The following DEUP1 variants were observed in gnomAD, a reference collection of about 807,000 sequenced individuals.
The protein encoded by DEUP1 is coiled-coil domain containing 67.
Under a neutral mutation model 87.4 loss-of-function variants are expected in DEUP1, and 82 were observed. The observed-to-expected ratio is 0.94, with a 90% CI of 0.78 to 1.13. The LOEUF is 1.13. DEUP1 is among the 50% of genes most tolerant of loss of function. DEUP1 has a pLI of 0.00. For synonymous variants in DEUP1, 214 were observed against 222.7 expected (o/e 0.96, Z 0.35); for missense variants, 663 against 681.5 (o/e 0.97, Z 0.30).
At chr11:93,434,472 T>A (rs1948184474) in intron 13 of DEUP1, among the ~76,000 whole-genome samples, 1 of 152,180 alleles carries the variant, frequency 6.6e-6, no homozygotes, top group Non-Finnish European at 1.5e-5. Flanking sequence ...ACCAAACACA[T>A]TCCTCACTGC....
At chr11:93,387,435 TAGC>T (rs1316568400) in intron 8 of DEUP1, among the ~76,000 whole-genome samples, 1 of 152,172 alleles carries the variant, frequency 6.6e-6, no homozygotes, top group South Asian at 2.1e-4. Context: ...AAGCTTTTGT[TAGC>T]TTTTTCTATT....
intron 1 of DEUP1, 28 bp from the exon 2 acceptor site, chr11:93,332,188 G>T: frequency 1.4e-6 from 2 of 1,406,308 alleles, no homozygotes; most frequent in South Asian, 2.5e-5. Flanking sequence ...AAACATTTTA[G>T]GAACTTGTAT....
intron 2 of DEUP1, among the ~76,000 whole-genome samples, chr11:93,333,919 G>A (rs1475071705): frequency 6.6e-6 from 1 of 152,204 alleles, no homozygotes; most frequent in East Asian, 1.9e-4. Flanking sequence ...GATGCAGATT[G>A]AAGATGTTGA....
chr11:93,366,718 TGTA>T (rs1945435580), intron 5 of DEUP1, among the ~76,000 whole-genome samples: 1 of 152,210 alleles, frequency 6.6e-6, no homozygotes, highest in South Asian at 2.1e-4. Context: ...TTCTACCTGT[TGTA>T]GTATTTATAA....
At chr11:93,403,694 T>C (rs1194509684) in intron 11 of DEUP1, among the ~76,000 whole-genome samples, 1 of 151,768 alleles carries the variant, frequency 6.6e-6, no homozygotes, top group Admixed American at 6.6e-5. Context: ...TTTCATCAGT[T>C]AATTTTCTCT....
chr11:93,350,330 T>C (rs1438336633), intron 2 of DEUP1, among the ~76,000 whole-genome samples: 1 of 152,146 alleles, frequency 6.6e-6, no homozygotes, highest in Non-Finnish European at 1.5e-5. Flanking sequence ...AAGTCTACTG[T>C]GTTGAAAAGG....
At chr11:93,415,547 A>T (rs1947589423) in intron 13 of DEUP1, among the ~76,000 whole-genome samples, 1 of 152,008 alleles carries the variant, frequency 6.6e-6, no homozygotes, top group South Asian at 2.1e-4. Flanking sequence ...TTGATGAGTT[A>T]TCACAAAGGG....
intron 13 of DEUP1, among the ~76,000 whole-genome samples, chr11:93,420,281 A>T (rs1455792778): frequency 6.6e-6 from 1 of 152,036 alleles, no homozygotes; most frequent in Non-Finnish European, 1.5e-5. Flanking sequence ...AATAAATGTA[A>T]TCCAGCATAT....
chr11:93,359,397 A>C (rs1379730936), intron 4 of DEUP1, among the ~76,000 whole-genome samples: 1 of 152,148 alleles, frequency 6.6e-6, no homozygotes, highest in Non-Finnish European at 1.5e-5. Flanking sequence ...TCAAGTACAT[A>C]AATTTGAGGC....
chr11:93,385,386 G>A lies in DEUP1; in HGVS notation c.790-12G>A, dbSNP rs781050494. ...AACAATGAGCATGAAATTTTTTGATGTTTTTATTCAGGCCATGGAAGCAGG... is the reference window on the plus strand; with the variant it reads ...AACAATGAGCATGAAATTTTTTGATATTTTTATTCAGGCCATGGAAGCAGG... On this transcript the variant is annotated splice_polypyrimidine_tract_variant and intron_variant, in intron 7 of 13. Coordinates refer to ENST00000298050, the MANE Select transcript of DEUP1 (RefSeq NM_181645.4). 1.1e-5 allele frequency: 18 copies of A among 1,610,918 alleles called. No homozygotes were observed. The Admixed American group carries it at 3.0e-4, about 27-fold the overall frequency.
intron 12 of DEUP1, among the ~76,000 whole-genome samples, chr11:93,410,677 A>G (rs1200639868): frequency 6.6e-6 from 1 of 152,206 alleles, no homozygotes; most frequent in Non-Finnish European, 1.5e-5. Context: ...AAAGCTTTAG[A>G]TGGAGATACC....
At chr11:93,416,979 A>G (rs1364929211) in intron 13 of DEUP1, among the ~76,000 whole-genome samples, 2 of 152,202 alleles carry the variant, frequency 1.3e-5, no homozygotes, top group Non-Finnish European at 1.5e-5. Flanking sequence ...AAATTCAACA[A>G]CACTTCATGC....
At chr11:93,369,985 G>T (rs1945632458) in intron 5 of DEUP1, 88 bp from the exon 6 acceptor site, 6 of 619,228 alleles carry the variant, frequency 9.7e-6, no homozygotes, top group African/African-American at 1.9e-5. Flanking sequence ...TTCTCAGAAT[G>T]AAGATGTACA....
At chr11:93,350,519 A>G (rs1944573013) in intron 2 of DEUP1, among the ~76,000 whole-genome samples, 1 of 152,202 alleles carries the variant, frequency 6.6e-6, no homozygotes, top group African/African-American at 2.4e-5. Flanking sequence ...ATTTGCAGTG[A>G]TATTGAAAAA....
chr11:93,383,327 C>T (rs990648930), intron 7 of DEUP1: 2 of 315,320 alleles, frequency 6.3e-6, no homozygotes, highest in African/African-American at 2.1e-5. Context: ...CATGGATGAA[C>T]CTTGAAAGCA....
At chr11:93,349,919 G>T (rs978840093) in intron 2 of DEUP1, among the ~76,000 whole-genome samples, 33 of 152,268 alleles carry the variant, frequency 2.2e-4, no homozygotes, top group African/African-American at 7.7e-4. Context: ...AAGCTTTAAG[G>T]TAAAAAAAGG....
intron 4 of DEUP1, 34 bp from the exon 5 acceptor site, chr11:93,364,126 A>G: frequency 7.0e-7 from 1 of 1,430,478 alleles, no homozygotes. Context: ...ATAATTGGTA[A>G]TAGTAAAATG....
chr11:93,398,354 G>T (rs1408454936), intron 11 of DEUP1, among the ~76,000 whole-genome samples: 1 of 151,854 alleles, frequency 6.6e-6, no homozygotes, highest in Non-Finnish European at 1.5e-5. Flanking sequence ...CCAGAGTTTT[G>T]CCCGAATGAA....
intron 2 of DEUP1, among the ~76,000 whole-genome samples, chr11:93,344,269 G>T (rs1449548063): frequency 2.0e-5 from 3 of 151,664 alleles, no homozygotes; most frequent in Non-Finnish European, 4.4e-5. Flanking sequence ...ACAGGATTTG[G>T]TGTGCAGAAT....
Sources: gnomAD v4.1 joint callset for allele counts (sites outside exome capture counted in the v4.1 genomes callset) on GRCh38, gnomAD v4.1.1 for gene constraint, MANE v1.5 for transcripts, NCBI Gene and HGNC (gene_info 2026-07-23, HGNC 2026-07-21) for gene names.